The following DIPK2A variants were observed in gnomAD, a reference collection of about 807,000 sequenced individuals.
DIPK2A encodes divergent protein kinase domain 2A.
A neutral mutation model predicts 39.0 loss-of-function variants in DIPK2A; 27 were observed. That is an observed-to-expected ratio of 0.69 (90% CI 0.51 to 0.96). DIPK2A has a LOEUF of 0.96. Ranked by LOEUF, DIPK2A falls within the 40% of genes least tolerant of loss-of-function variation. The probability of loss-of-function intolerance (pLI) is 0.00; values close to 1 mark genes in which losing one functional copy is unlikely to be tolerated. For synonymous variants in DIPK2A, 298 were observed against 240.8 expected (o/e 1.24, Z -2.20); for missense variants, 528 against 571.3 (o/e 0.92, Z 0.77).
At chr3:143,978,622 C>CTATATATATATATCTATCTA (rs2087769222) in intron 1 of DIPK2A, 1 of 121,648 alleles carries the variant, frequency 8.2e-6, no homozygotes, top group Non-Finnish European at 1.8e-5. Context: ...ATATCTATAT[C>CTATATATATATATCTATCTA]TATATATATA....
At chr3:143,973,259 C>T (rs1254822873) in intron 1 of DIPK2A, 3 of 1,232,970 alleles carry the variant, frequency 2.4e-6, no homozygotes, top group Middle Eastern at 1.8e-4. Flanking sequence ...AGAGGGAGTG[C>T]GTCTCTTAAC....
Position 143,971,961 on chromosome 3 carries a change from T to G in DIPK2A, c.-372T>G, listed in dbSNP as rs529821869. 4.5e-6 allele frequency: 1 copy of G among 223,888 alleles called. No individual in the cohort carries two copies. The highest frequency in any genetic ancestry group is 8.7e-6 in the Non-Finnish European group (1 of 115,080). 13.9% of individuals were successfully genotyped at this position (223,888 alleles called of 1,614,324 possible). ...TGGCTGGCTGCCGCCGCAGCTCTTG[T>G]GCGAAGCCAGCAGTGCGCGTGCGCG... is the stretch of plus-strand genomic sequence containing the variant. On this transcript the variant is annotated 5_prime_UTR_variant, in exon 1 of 3. Coordinates refer to ENST00000315691, the MANE Select transcript of DIPK2A (RefSeq NM_173552.5).
intron 1 of DIPK2A, among the ~76,000 whole-genome samples, chr3:143,975,009 T>C (rs550267131): frequency 2.0e-5 from 3 of 152,296 alleles, no homozygotes; most frequent in African/African-American, 7.2e-5. Context: ...TTCTCATCTT[T>C]AGTGATGAAA....
Position 143,972,932 on chromosome 3 carries a change from G to C in DIPK2A, c.600G>C (p.Ser200=), listed in dbSNP as rs775779651. 1 of 1,590,228 alleles carries C rather than the reference G, an allele frequency of 6.3e-7. No individual in the cohort carries two copies. The highest frequency in any genetic ancestry group is 8.5e-7 in the Non-Finnish European group (1 of 1,170,714). Residue 200 remains serine, a synonymous_variant, in exon 1 of 3, where the codon TCG becomes TCC. Coordinates refer to ENST00000315691, the MANE Select transcript of DIPK2A (RefSeq NM_173552.5). The part of the protein sequence containing the change: ...GSFLLRNLKD[S]ERMQLLLTLA... ...TCCTGCTTCGCAACCTCAAGGACTC[G>C]GAGCGCATGCAGCTGCTGCTGACCC...
At position 143,985,574 on chromosome 3, in the gene DIPK2A, C is replaced by A; in HGVS notation, c.689C>A (p.Ala230Glu). The change falls in exon 2 of 3, where the codon GCA (alanine) becomes GAA (glutamate). Residue 230 changes from alanine to glutamate, a missense_variant. By Grantham distance (107) the Ala-to-Glu change is moderately radical. Transcript: ENST00000315691. ...SFPSDEGWPF[A>E]KYLGACGRMV... Reference sequence around the variant, plus strand: ...CCGTCTGATGAAGGTTGGCCATTTGCAAAGTATCTTGGAGCTTGTGGAAGA... The same window carrying A: ...CCGTCTGATGAAGGTTGGCCATTTGAAAAGTATCTTGGAGCTTGTGGAAGA... The A allele has an allele frequency of 6.2e-7, 1 of 1,613,934 alleles. No homozygotes were observed. The highest frequency in any genetic ancestry group is 8.5e-7 in the Non-Finnish European group (1 of 1,179,876).
chr3:143,973,230 CTG>C (rs749097049), intron 1 of DIPK2A: 8 of 1,118,008 alleles, frequency 7.2e-6, no homozygotes, highest in Non-Finnish European at 2.6e-6. Flanking sequence ...TCGGATTTGA[CTG>C]TGGATCTTTC....
chr3:143,977,495 A>G (rs760805095), intron 1 of DIPK2A, among the ~76,000 whole-genome samples: 1 of 152,070 alleles, frequency 6.6e-6, no homozygotes, highest in Non-Finnish European at 1.5e-5. Context: ...TTTAAGGGGA[A>G]ATATGTGGAG....
rs758631520 is a variant in DIPK2A, at chr3:143,989,510, A to G, written c.962A>G (p.Asn321Ser). Residue 321 changes from asparagine to serine, a missense_variant and splice_region_variant, in exon 3 of 3, where the codon AAT becomes AGT. By Grantham distance (46) the Asn-to-Ser change is conservative (BLOSUM62 1). Transcript: ENST00000315691. ...ACTTCTGCTTTTCCTCCTTTCACAG[A>G]TAAACCTGAAAATTGGGATGTATGG... is the stretch of plus-strand genomic sequence containing the variant. ...LVADKRLIRQ[N>S]KPENWDVWYE... 1 of 1,597,416 alleles carries G rather than the reference A, an allele frequency of 6.3e-7. No homozygotes were observed. Among genetic ancestry groups the G allele is most frequent in the Non-Finnish European group, 8.6e-7 (1 of 1,169,198 alleles).
Position 143,992,061 on chromosome 3 carries a change from A to T in DIPK2A, c.*2220A>T, listed in dbSNP as rs918570709. 5.2e-5 allele frequency: 8 copies of T among 152,654 alleles called. No individual in the cohort carries two copies. Among genetic ancestry groups the T allele is most frequent in the African/African-American group, 1.7e-4 (7 of 41,466 alleles). The allele number at this position is 152,654 out of a possible 1,614,324, so 9.5% of individuals were successfully genotyped here. On this transcript the variant is annotated 3_prime_UTR_variant, in exon 3 of 3. Coordinates refer to ENST00000315691, the MANE Select transcript of DIPK2A (RefSeq NM_173552.5). ...AAGATAGTAAAAGAATTAGGAATTTAAAATTACAGGGAAAAATATGTAAGT... is the reference window on the plus strand; with the variant it reads ...AAGATAGTAAAAGAATTAGGAATTTTAAATTACAGGGAAAAATATGTAAGT...
At chr3:143,978,753 T>G (rs908572967) in intron 1 of DIPK2A, among the ~76,000 whole-genome samples, 4 of 148,472 alleles carry the variant, frequency 2.7e-5, no homozygotes, top group African/African-American at 4.9e-5. Context: ...ATAGGAATGG[T>G]ACCAGGGAAA....
rs564660782 is a variant in DIPK2A, at chr3:143,974,255, A to G, written c.657+1266A>G. ...CAGCTTCGTTTGATTAGTTCAGCCA[A>G]ATAATGTAACACAAATATTTGGCTT... On this transcript the variant is annotated intron_variant, in intron 1 of 2. Transcript: ENST00000315691. Among the ~76,000 whole-genome samples, 696 of 152,290 alleles carry G rather than the reference A, an allele frequency of 4.6e-3. 8 individuals carry two copies. Among genetic ancestry groups the G allele is most frequent in the Non-Finnish European group, 6.4e-3 (437 of 68,020 alleles).
In DIPK2A at chr3:143,989,899, A is replaced by G; in HGVS notation, c.*58A>G. 7.5e-7 allele frequency: 1 copy of G among 1,333,018 alleles called. No homozygotes were observed. Among genetic ancestry groups the G allele is most frequent in the South Asian group, 1.4e-5 (1 of 72,314 alleles). 82.6% of individuals were successfully genotyped at this position (1,333,018 alleles called of 1,614,324 possible). ...AAACAGCACTGGCTAAAACTAAACC[A>G]CCAAAAAACGATCTGAAAAAATGAA... On this transcript the variant is annotated 3_prime_UTR_variant, in exon 3 of 3. Coordinates refer to ENST00000315691, the MANE Select transcript of DIPK2A (RefSeq NM_173552.5).
chr3:143,973,351 C>A, intron 1 of DIPK2A: 1 of 1,544,038 alleles, frequency 6.5e-7, no homozygotes, highest in Non-Finnish European at 8.7e-7. Flanking sequence ...GCTTGCAGGT[C>A]CGCGGCGCAG....
intron 1 of DIPK2A, among the ~76,000 whole-genome samples, chr3:143,981,237 A>G (rs890220455): frequency 6.6e-6 from 1 of 152,204 alleles, no homozygotes. Flanking sequence ...TATGTAAGAT[A>G]ATCCTGAACA....
At chr3:143,981,678 A>G (rs1021434210) in intron 1 of DIPK2A, among the ~76,000 whole-genome samples, 1 of 152,160 alleles carries the variant, frequency 6.6e-6, no homozygotes, top group Non-Finnish European at 1.5e-5. Context: ...CAAAAACAAA[A>G]ACAGAAACAA....
chr3:143,976,555 TGA>T (rs1186765697), intron 1 of DIPK2A, among the ~76,000 whole-genome samples: 173 of 117,880 alleles, frequency 1.5e-3, no homozygotes, highest in South Asian at 5.4e-3. Context: ...TGTGTGTGTG[TGA>T]GAGAGAGAGA....
rs1559851903 is a variant in DIPK2A, at chr3:143,972,780, A to C, written c.448A>C (p.Asn150His). Residue 150 changes from asparagine to histidine, a missense_variant, in exon 1 of 3, where the codon AAC becomes CAC. Around this residue, in one of 2 missense-constraint regions of DIPK2A, gnomAD observed 309 missense variants for 289.8 expected, o/e 1.07. Coordinates refer to ENST00000315691, the MANE Select transcript of DIPK2A (RefSeq NM_173552.5). ...AMPRTEFARL[N>H]GDVRLLTPEA... ...GCCCCGGACCGAGTTCGCGCGCCTC[A>C]ACGGCGACGTGCGTCTGCTCACGCC... 6.4e-7 allele frequency: 1 copy of C among 1,569,834 alleles called. No homozygotes were observed. Among genetic ancestry groups the C allele is most frequent in the Admixed American group, 1.8e-5 (1 of 55,178 alleles).
intron 1 of DIPK2A, among the ~76,000 whole-genome samples, chr3:143,977,762 C>A (rs755101107): frequency 2.6e-5 from 4 of 152,082 alleles, no homozygotes; most frequent in Non-Finnish European, 5.9e-5. Flanking sequence ...TCCATTGACA[C>A]TTTTGATTGC....
intron 2 of DIPK2A, among the ~76,000 whole-genome samples, chr3:143,987,298 T>G (rs9823162): frequency 0.057 from 8,648 of 152,312 alleles, 467 homozygotes; most frequent in East Asian, 0.19. Context: ...TAACAATAAT[T>G]TTTTATAATT....
Sources: gnomAD v4.1 joint callset for allele counts (sites outside exome capture counted in the v4.1 genomes callset) on GRCh38, gnomAD v4.1.1 for gene constraint, gnomAD v4.1.1 regional missense constraint, MANE v1.5 for transcripts, NCBI Gene and HGNC (gene_info 2026-07-23, HGNC 2026-07-21) for gene names.